Variants in REV3L observed in about 807,000 individuals in gnomAD.
REV3L encodes DNA polymerase zeta catalytic subunit.
A neutral mutation model predicts 299.4 loss-of-function variants in REV3L; 69 were observed. The ratio of observed to expected loss-of-function variants is 0.23; its 90% CI spans 0.19 to 0.28. REV3L has a LOEUF of 0.28. Among genes scored for constraint, REV3L ranks in the 10% least tolerant of loss-of-function variants. The probability of loss-of-function intolerance (pLI) is 1.00; values close to 1 mark genes in which losing one functional copy is unlikely to be tolerated. For synonymous variants in REV3L, 1,238 were observed against 1,271.4 expected, an observed-to-expected ratio of 0.97 and a Z score of 0.56; for missense variants, 3,128 against 3,693.8, an observed-to-expected ratio of 0.85 and a Z score of 3.97.
chr6:111,313,427 CAGT>C lies in REV3L; in HGVS notation c.8526_8528del (p.Leu2843del). The C allele has an allele frequency of 6.2e-7, 1 of 1,612,460 alleles. No individual in the cohort carries two copies. The highest frequency in any genetic ancestry group is 8.5e-7 in the Non-Finnish European group (1 of 1,179,302). On this transcript the variant is annotated inframe_deletion, in exon 28 of 32. Coordinates refer to ENST00000368802, the MANE Select transcript of REV3L (RefSeq NM_001372078.1). ...CATCAAATACTGGGTCCTTCTGATC[CAGT>C]GTTTCATACATGTAACCCACATACC...
In REV3L at chr6:111,373,218, C is replaced by T. The variant is rs3218585; in HGVS notation, c.5137G>A (p.Asp1713Asn). 11 of 1,614,060 alleles carry T rather than the reference C, an allele frequency of 6.8e-6. No homozygotes were observed. Among genetic ancestry groups the T allele is most frequent in the Admixed American group, 1.7e-5 (1 of 60,022 alleles). Residue 1713 changes from aspartate to asparagine, a missense_variant, in exon 13 of 32, where the codon GAC becomes AAC. Physicochemically the swap from Asp to Asn is conservative, Grantham distance 23. Coordinates refer to ENST00000368802, the MANE Select transcript of REV3L (RefSeq NM_001372078.1). ...KCDEDKHHTTDSASWIRSGTL... is the reference protein window; with the variant it reads ...KCDEDKHHTTNSASWIRSGTL... ...CCAGATCTAATCCATGAGGCTGAGT[C>T]TGTGGTATGATGCTTGTCTTCATCA...
chr6:111,381,235 T>TTCAAG, intron 10 of REV3L, 90 bp downstream of exon 10: 1 of 1,368,496 alleles, frequency 7.3e-7, no homozygotes, highest in Non-Finnish European at 1.0e-6. Flanking sequence ...CATTTACCTC[T>TTCAAG]TCAAGTCAAT....
intron 5 of REV3L, among the ~76,000 whole-genome samples, chr6:111,391,699 G>A (rs1781949380): frequency 6.6e-6 from 1 of 152,194 alleles, no homozygotes; most frequent in Non-Finnish European, 1.5e-5. Flanking sequence ...TGGGAGGCCA[G>A]CCTGAGCAAT....
Position 111,381,366 on chromosome 6 carries a change from A to G in REV3L, c.1175T>C (p.Phe392Ser). ...ILNLMENSQT[F>S]QPLTQRLSES... Reference sequence around the variant, plus strand: ...ACTCAGTCTTTGGGTCAAAGGCTGAAAAGTCTGACTATTTTCCATAAGGTT... The same window carrying G: ...ACTCAGTCTTTGGGTCAAAGGCTGAGAAGTCTGACTATTTTCCATAAGGTT... The change falls in exon 10 of 32, where the codon TTT (phenylalanine) becomes TCT (serine). Residue 392 changes from phenylalanine to serine, a missense_variant. This residue lies in a region of REV3L where 2,409 missense variants were observed against 2,611.8 expected (regional missense o/e 0.92). Transcript: ENST00000368802. The G allele has an allele frequency of 6.2e-7, 1 of 1,613,730 alleles. No homozygotes were observed. Among genetic ancestry groups the G allele is most frequent in the Non-Finnish European group, 8.5e-7 (1 of 1,179,832 alleles).
intron 1 of REV3L, among the ~76,000 whole-genome samples, chr6:111,481,700 T>C (rs1793679543): frequency 6.6e-6 from 1 of 152,114 alleles, no homozygotes; most frequent in Non-Finnish European, 1.5e-5. Flanking sequence ...AGAACAACCT[T>C]TCCTAAGATG....
rs1431455718 is a variant in REV3L, at chr6:111,372,801, G to A, written c.5554C>T (p.Pro1852Ser). 5 of 1,613,310 alleles carry A rather than the reference G, an allele frequency of 3.1e-6. No individual in the cohort carries two copies. The African/African-American group carries it at 5.3e-5, about 17-fold the overall frequency. ...SRNNDMLTPT[P>S]DSSPRSTSSP... Reference sequence around the variant, plus strand: ...CTAGTAGATCTTGGTGAACTATCAGGAGTTGGTGTCAACATATCATTGTTT... The same window carrying A: ...CTAGTAGATCTTGGTGAACTATCAGAAGTTGGTGTCAACATATCATTGTTT... The change falls in exon 13 of 32, where the codon CCT (proline) becomes TCT (serine). Residue 1852 changes from proline to serine, a missense_variant. By Grantham distance (74) the Pro-to-Ser change is moderately conservative (BLOSUM62 -1). This residue lies in a region of REV3L where 2,409 missense variants were observed against 2,611.8 expected (regional missense o/e 0.92). Transcript: ENST00000368802.
chr6:111,473,459 T>A (rs1392844547), intron 1 of REV3L, among the ~76,000 whole-genome samples: 1 of 152,052 alleles, frequency 6.6e-6, no homozygotes, highest in Non-Finnish European at 1.5e-5. Flanking sequence ...CCTCCTCCCT[T>A]TTTTGGAAAT....
At chr6:111,389,290 ACTGCCTTT>A in intron 6 of REV3L, 80 bp from the exon 7 acceptor site, 1 of 1,018,482 alleles carries the variant, frequency 9.8e-7, no homozygotes, top group Non-Finnish European at 1.5e-6. Flanking sequence ...TTTAACAAAT[ACTGCCTTT>A]AAAAAAACCA....
chr6:111,442,878 G>A (rs1463618611), intron 1 of REV3L, among the ~76,000 whole-genome samples: 1 of 151,980 alleles, frequency 6.6e-6, no homozygotes, highest in African/African-American at 2.4e-5. Flanking sequence ...GATGTGCCAT[G>A]GTGTCTCTCT....
chr6:111,446,854 A>T (rs1788923298), intron 1 of REV3L, among the ~76,000 whole-genome samples: 1 of 152,202 alleles, frequency 6.6e-6, no homozygotes. Flanking sequence ...ATGGCATTTT[A>T]AAGAGATAGG....
chr6:111,371,865 A>G, intron 13 of REV3L, among the ~76,000 whole-genome samples: 1 of 151,288 alleles, frequency 6.6e-6, no homozygotes, highest in Non-Finnish European at 1.5e-5. Context: ...TGCCCGGCCT[A>G]ATTTTTTGTA....
At chr6:111,462,995 A>G (rs1252122266) in intron 1 of REV3L, among the ~76,000 whole-genome samples, 1 of 152,010 alleles carries the variant, frequency 6.6e-6, no homozygotes, top group African/African-American at 2.4e-5. Flanking sequence ...TGGCAGATCA[A>G]GTGTAAGAGA....
At chr6:111,323,213 C>T (rs985320913) in intron 25 of REV3L, among the ~76,000 whole-genome samples, 5 of 152,174 alleles carry the variant, frequency 3.3e-5, no homozygotes, top group Admixed American at 1.3e-4. Flanking sequence ...TAGTCTTGAA[C>T]TCCTGATTTC....
intron 15 of REV3L, 128 bp downstream of exon 15, chr6:111,365,137 C>A: frequency 8.8e-6 from 5 of 567,322 alleles, no homozygotes; most frequent in Non-Finnish European, 1.5e-5. Flanking sequence ...CAAAGATATG[C>A]AAATAATGAT....
chr6:111,471,934 T>A, intron 1 of REV3L: 2 of 793,396 alleles, frequency 2.5e-6, no homozygotes, highest in South Asian at 2.3e-5. Flanking sequence ...TAAGGGTGAG[T>A]AGGATTTACC....
intron 11 of REV3L, among the ~76,000 whole-genome samples, chr6:111,379,300 T>C (rs1032956831): frequency 6.6e-6 from 1 of 152,232 alleles, no homozygotes; most frequent in African/African-American, 2.4e-5. Context: ...CTTTCAGTGA[T>C]GGCTTTGGGT....
chr6:111,319,124 CATAAAAATG>C (rs1332605887), intron 26 of REV3L, among the ~76,000 whole-genome samples: 2 of 151,948 alleles, frequency 1.3e-5, no homozygotes, highest in East Asian at 3.9e-4. Context: ...ATTATAATTC[CATAAAAATG>C]ATAAAGAAAT....
chr6:111,299,128 T>G lies in REV3L; in HGVS notation c.*888A>C, dbSNP rs1771189023. The G allele has an allele frequency of 6.6e-6, 1 of 152,556 alleles. No homozygotes were observed. Among genetic ancestry groups the G allele is most frequent in the African/African-American group, 2.4e-5 (1 of 41,440 alleles). 9.5% of individuals were successfully genotyped at this position (152,556 alleles called of 1,614,324 possible). On this transcript the variant is annotated 3_prime_UTR_variant, in exon 32 of 32. Coordinates refer to ENST00000368802, the MANE Select transcript of REV3L (RefSeq NM_001372078.1). ...TTTAAAAAACAATGCACTGACCACATAATTCCTTTTTTATTTTACACAGTT... is the reference window on the plus strand; with the variant it reads ...TTTAAAAAACAATGCACTGACCACAGAATTCCTTTTTTATTTTACACAGTT...
chr6:111,406,500 G>C (rs1003452542), intron 3 of REV3L, among the ~76,000 whole-genome samples: 8 of 152,164 alleles, frequency 5.3e-5, no homozygotes, highest in African/African-American at 1.9e-4. Context: ...GAGTAAATAG[G>C]CTGTTGTGGA....
Sources: gnomAD v4.1 joint callset for allele counts (sites outside exome capture counted in the v4.1 genomes callset) on GRCh38, gnomAD v4.1.1 for gene constraint, gnomAD v4.1.1 regional missense constraint, MANE v1.5 for transcripts, NCBI Gene and HGNC (gene_info 2026-07-23, HGNC 2026-07-21) for gene names.